The following ADGRL3 variants were observed in gnomAD, a reference collection of about 807,000 sequenced individuals.
The protein encoded by ADGRL3 is adhesion G protein-coupled receptor L3.
A neutral mutation model predicts 153.5 loss-of-function variants in ADGRL3; 62 were observed. That is an observed-to-expected ratio of 0.40 (90% CI 0.33 to 0.50). The LOEUF (loss-of-function observed/expected upper bound fraction) is 0.50, where lower values mean the gene tolerates loss of function less well. ADGRL3 is among the 20% of genes least tolerant of loss of function. The pLI is 0.47. For missense variants in ADGRL3, 1,641 were observed against 1,859.4 expected, an observed-to-expected ratio of 0.88 and a Z score of 2.16; for synonymous variants, 710 against 672.5, an observed-to-expected ratio of 1.06 and a Z score of -0.86.
intron 9 of ADGRL3, among the ~76,000 whole-genome samples, chr4:61,815,866 A>G (rs1454942364): frequency 2.0e-5 from 3 of 152,162 alleles, no homozygotes; most frequent in Non-Finnish European, 4.4e-5. Context: ...CTCACCAGAC[A>G]CTGAATCTGC....
At chr4:61,459,656 A>C (rs2152566473) in intron 2 of ADGRL3, among the ~76,000 whole-genome samples, 1 of 152,216 alleles carries the variant, frequency 6.6e-6, no homozygotes, top group South Asian at 2.1e-4. Context: ...TGACTGTAAT[A>C]ATTTACATTT....
intron 5 of ADGRL3, among the ~76,000 whole-genome samples, chr4:61,672,382 G>A (rs1011914495): frequency 2.0e-5 from 3 of 151,866 alleles, no homozygotes; most frequent in African/African-American, 7.3e-5. Flanking sequence ...ATTAATTTCC[G>A]GGCTATCTAT....
intron 4 of ADGRL3, among the ~76,000 whole-genome samples, chr4:61,528,107 T>A (rs1462406108): frequency 6.6e-6 from 1 of 152,176 alleles, no homozygotes; most frequent in Non-Finnish European, 1.5e-5. Flanking sequence ...TTGAAAGATG[T>A]GTGACCTCAC....
chr4:61,778,653 A>G (rs1040612326), intron 8 of ADGRL3, among the ~76,000 whole-genome samples: 2 of 152,176 alleles, frequency 1.3e-5, no homozygotes, highest in African/African-American at 4.8e-5. Context: ...ATATTCATCG[A>G]ACCTTGTTAT....
intron 1 of ADGRL3, among the ~76,000 whole-genome samples, chr4:61,266,731 CT>C (rs1215746853): frequency 1.6e-4 from 24 of 151,684 alleles, no homozygotes; most frequent in Admixed American, 7.2e-4. Context: ...TAAGGTAAAT[CT>C]AAGCCTTCCA....
chr4:61,348,270 A>G (rs1456863), intron 1 of ADGRL3, among the ~76,000 whole-genome samples: 12,730 of 152,034 alleles, frequency 0.084, 625 homozygotes, highest in South Asian at 0.12. Flanking sequence ...TATTTTGATT[A>G]TGTTTAAGGC....
intron 2 of ADGRL3, among the ~76,000 whole-genome samples, chr4:61,465,836 T>A (rs1341347469): frequency 6.7e-6 from 1 of 149,018 alleles, no homozygotes; most frequent in African/African-American, 2.4e-5. Context: ...ATAATCCAAC[T>A]CATGGCTGGG....
chr4:62,036,547 A>T (rs1725114143), intron 23 of ADGRL3, among the ~76,000 whole-genome samples: 3 of 152,166 alleles, frequency 2.0e-5, no homozygotes, highest in African/African-American at 7.2e-5. Context: ...TGAATTTTAC[A>T]ATAATAAGAT....
intron 17 of ADGRL3, among the ~76,000 whole-genome samples, chr4:61,957,016 C>T (rs537290891): frequency 2.4e-4 from 37 of 152,102 alleles, no homozygotes; most frequent in South Asian, 1.2e-3. Context: ...CTTGGCTATA[C>T]GGGGTCTTCT....
At chr4:61,431,335 G>C (rs2097353404) in intron 2 of ADGRL3, among the ~76,000 whole-genome samples, 1 of 152,160 alleles carries the variant, frequency 6.6e-6, no homozygotes, top group Admixed American at 6.5e-5. Flanking sequence ...CCTCCCCATG[G>C]CTGTCCTCCT....
At chr4:62,057,248 T>A (rs1163029350) in intron 25 of ADGRL3, among the ~76,000 whole-genome samples, 1 of 152,168 alleles carries the variant, frequency 6.6e-6, no homozygotes, top group Admixed American at 6.6e-5. Context: ...CTCAGTTACA[T>A]ATATTACACT....
chr4:61,825,327 A>G (rs972552572), intron 9 of ADGRL3, among the ~76,000 whole-genome samples: 3 of 152,218 alleles, frequency 2.0e-5, no homozygotes, highest in Non-Finnish European at 2.9e-5. Flanking sequence ...AAATATTGGT[A>G]TGATATTATA....
chr4:61,616,392 C>A (rs2092007184), intron 5 of ADGRL3, among the ~76,000 whole-genome samples: 1 of 152,024 alleles, frequency 6.6e-6, no homozygotes, highest in South Asian at 2.1e-4. Context: ...GTGGAAAAAA[C>A]AATTTCATTA....
At chr4:62,039,710 CTTTTATAATTAA>C (rs1727113872) in intron 24 of ADGRL3, among the ~76,000 whole-genome samples, 1 of 152,020 alleles carries the variant, frequency 6.6e-6, no homozygotes, top group East Asian at 1.9e-4. Flanking sequence ...GCATGAGCCC[CTTTTATAATTAA>C]TGCCTTTATT....
chr4:61,517,309 C>G lies in ADGRL3; in HGVS notation c.56-6C>G. The G allele has an allele frequency of 1.4e-6, 1 of 702,476 alleles. No individual in the cohort carries two copies. The highest frequency in any genetic ancestry group is 2.6e-6 in the Non-Finnish European group (1 of 385,110). 43.5% of individuals were successfully genotyped at this position (702,476 alleles called of 1,614,324 possible). A position where few individuals can be genotyped will look rare whatever the true frequency, so the allele number is the denominator to read the frequency against. On this transcript the variant is annotated splice_region_variant and splice_polypyrimidine_tract_variant and intron_variant, in intron 3 of 26. Coordinates refer to ENST00000683033, the MANE Select transcript of ADGRL3 (RefSeq NM_001387552.1). Reference sequence around the variant, plus strand: ...GGTCTGATGGTGCGCCCTGCGGTCCCCGCAGGTGGCAAGCACAGTGAACGA... The same window carrying G: ...GGTCTGATGGTGCGCCCTGCGGTCCGCGCAGGTGGCAAGCACAGTGAACGA...
intron 1 of ADGRL3, among the ~76,000 whole-genome samples, chr4:61,248,865 C>G (rs866119648): frequency 1.3e-4 from 20 of 152,208 alleles, no homozygotes; most frequent in Middle Eastern, 3.4e-3. Context: ...GCTTGTTTAT[C>G]GAGCTACACC....
intron 4 of ADGRL3, among the ~76,000 whole-genome samples, chr4:61,521,865 G>T (rs1471851296): frequency 6.6e-6 from 1 of 151,680 alleles, no homozygotes; most frequent in African/African-American, 2.4e-5. Flanking sequence ...CCAAATTTAA[G>T]GACACATAAC....
chr4:61,427,843 C>A (rs1560614386), intron 2 of ADGRL3: 1 of 152,704 alleles, frequency 6.5e-6, no homozygotes, highest in African/African-American at 2.4e-5. Flanking sequence ...ACTGAGTGTG[C>A]ACTTCCTGTA....
At chr4:61,324,224 AACCGT>A (rs2095422146) in intron 1 of ADGRL3, among the ~76,000 whole-genome samples, 1 of 152,154 alleles carries the variant, frequency 6.6e-6, no homozygotes, top group Non-Finnish European at 1.5e-5. Flanking sequence ...CACAGAGCCA[AACCGT>A]ATCACCCACT....
Sources: allele counts gnomAD v4.1 joint callset (sites outside exome capture counted in the v4.1 genomes callset), GRCh38; gene constraint gnomAD v4.1.1; transcripts MANE v1.5; gene names NCBI Gene and HGNC (gene_info 2026-07-23, HGNC 2026-07-21).